The following CFAP43 variants were observed in gnomAD, a reference collection of about 807,000 sequenced individuals.
The protein encoded by CFAP43 is cilia and flagella associated protein 43.
In CFAP43, 155 loss-of-function variants were observed where a neutral mutation model predicts 218.9. That is an observed-to-expected ratio of 0.71 (90% CI 0.62 to 0.81). The LOEUF (loss-of-function observed/expected upper bound fraction) is 0.81, where lower values mean the gene tolerates loss of function less well. Ranked by LOEUF, CFAP43 falls within the 30% of genes least tolerant of loss-of-function variation. The pLI is 0.00. For synonymous variants in CFAP43, 645 were observed against 681.3 expected, an observed-to-expected ratio of 0.95 and a Z score of 0.83; for missense variants, 1,778 against 1,954.3, an observed-to-expected ratio of 0.91 and a Z score of 1.70.
intron 20 of CFAP43, among the ~76,000 whole-genome samples, chr10:104,171,275 G>T (rs2089400718): frequency 6.6e-6 from 1 of 152,184 alleles, no homozygotes; most frequent in Admixed American, 6.5e-5. Context: ...GTTGCAGAAT[G>T]AATGAAGGAA....
At chr10:104,172,075 A>T (rs992402563) in intron 20 of CFAP43, among the ~76,000 whole-genome samples, 31 of 152,192 alleles carry the variant, frequency 2.0e-4, no homozygotes, top group African/African-American at 7.5e-4. Flanking sequence ...TTCAACTCTA[A>T]TTAAGAAAGG....
intron 8 of CFAP43, among the ~76,000 whole-genome samples, chr10:104,200,670 C>CAAAA (rs71022722): frequency 1.8e-4 from 4 of 22,644 alleles, no homozygotes; most frequent in Middle Eastern, 0.019. Context: ...GACTCTGTCT[C>CAAAA]AAAAAAAAAA....
intron 3 of CFAP43, among the ~76,000 whole-genome samples, chr10:104,224,820 AT>A (rs1396555433): frequency 4.6e-5 from 7 of 151,860 alleles, no homozygotes; most frequent in African/African-American, 1.7e-4. Flanking sequence ...AGGTACTTAC[AT>A]TTTTGTATAA....
chr10:104,213,908 G>A (rs1406481111), intron 4 of CFAP43, among the ~76,000 whole-genome samples: 1 of 152,130 alleles, frequency 6.6e-6, no homozygotes, highest in African/African-American at 2.4e-5. Flanking sequence ...AATAGCAAAA[G>A]TCTTAACTCT....
chr10:104,201,390 A>G (rs1394259968), intron 8 of CFAP43, among the ~76,000 whole-genome samples: 1 of 150,512 alleles, frequency 6.6e-6, no homozygotes, highest in African/African-American at 2.4e-5. Context: ...TTTGCATTTC[A>G]TTTTCTTTCT....
At chr10:104,218,013 G>A (rs1285897673) in intron 3 of CFAP43, among the ~76,000 whole-genome samples, 3 of 152,182 alleles carry the variant, frequency 2.0e-5, no homozygotes, top group African/African-American at 4.8e-5. Context: ...TGCTTGCGCC[G>A]TAAATACATA....
intron 3 of CFAP43, among the ~76,000 whole-genome samples, chr10:104,220,668 A>T (rs1347828717): frequency 6.6e-6 from 1 of 152,172 alleles, no homozygotes; most frequent in Non-Finnish European, 1.5e-5. Context: ...GCCTCCTCGA[A>T]CAAAAACCAG....
chr10:104,135,236 T>C (rs2087386012), intron 34 of CFAP43, among the ~76,000 whole-genome samples: 1 of 152,076 alleles, frequency 6.6e-6, no homozygotes, highest in Admixed American at 6.6e-5. Context: ...TTCCTCAACA[T>C]GATAATGGGA....
chr10:104,140,891 G>C lies in CFAP43; in HGVS notation c.4382C>G (p.Ala1461Gly). The C allele has an allele frequency of 1.2e-6, 2 of 1,611,818 alleles. No individual in the cohort carries two copies. Among genetic ancestry groups the C allele is most frequent in the East Asian group, 4.5e-5 (2 of 44,818 alleles). ...NFQLVLEYSD[A>G]ILINKNIIED... ...AATTATGTTCTTGTTGATGAGAATT[G>C]CATCAGAATACTCCAGTACTAGCTG... The change falls in exon 34 of 38, where the codon GCA becomes GGA. Residue 1461 changes from alanine (A) to glycine (G), a missense_variant. Around this residue, in one of 3 missense-constraint regions of CFAP43, gnomAD observed 14 missense variants for 38.5 expected, o/e 0.36. Transcript: ENST00000357060.
intron 18 of CFAP43, 69 bp from the exon 19 acceptor site, chr10:104,179,175 GA>G: frequency 7.4e-7 from 1 of 1,347,690 alleles, no homozygotes; most frequent in Non-Finnish European, 1.0e-6. Flanking sequence ...GAGAGAGAGA[GA>G]GAGAGCAATT....
chr10:104,181,025 C>G (rs559827139), intron 17 of CFAP43, among the ~76,000 whole-genome samples: 1 of 152,192 alleles, frequency 6.6e-6, no homozygotes, highest in African/African-American at 2.4e-5. Context: ...GTCCTGACCT[C>G]TCCCCAGAAC....
rs570891822 is a variant in CFAP43 at position 104,172,227 on chromosome 10, C to A, written c.2586+183G>T. Among the ~76,000 whole-genome samples, 13 of 152,298 alleles carry A rather than the reference C, an allele frequency of 8.5e-5. No homozygotes were observed. The South Asian group carries it at 2.7e-3, about 32-fold the overall frequency. ...GGCTGGCCTAGATGTTCTCCCTGCT[C>A]CTAACCCCCAAATTCGATGATCCTC... On this transcript the variant is annotated intron_variant, in intron 20 of 37. Transcript: ENST00000357060.
At chr10:104,131,583 C>T (rs571461605) in intron 36 of CFAP43, 99 bp from the exon 37 acceptor site, 68 of 1,309,592 alleles carry the variant, frequency 5.2e-5, no homozygotes, top group Non-Finnish European at 6.9e-5. Context: ...ACATTATCAT[C>T]ATTAAGATAA....
At chr10:104,196,698 C>T (rs2090390057) in intron 10 of CFAP43, among the ~76,000 whole-genome samples, 155 bp downstream of exon 10, 1 of 152,228 alleles carries the variant, frequency 6.6e-6, no homozygotes, top group African/African-American at 2.4e-5. Flanking sequence ...GTGGCATATA[C>T]TTTACACACA....
At chr10:104,220,466 C>T (rs2091145747) in intron 3 of CFAP43, among the ~76,000 whole-genome samples, 1 of 152,054 alleles carries the variant, frequency 6.6e-6, no homozygotes, top group African/African-American at 2.4e-5. Context: ...TACAGGTTCC[C>T]ATTGTGCCTT....
At chr10:104,202,414 T>C (rs1448219501) in intron 8 of CFAP43, among the ~76,000 whole-genome samples, 1 of 152,188 alleles carries the variant, frequency 6.6e-6, no homozygotes, top group African/African-American at 2.4e-5. Context: ...AATCTGTAAA[T>C]TCATGTCTTT....
chr10:104,183,268 C>T (rs759110741), intron 16 of CFAP43, among the ~76,000 whole-genome samples: 2 of 152,150 alleles, frequency 1.3e-5, no homozygotes, highest in Non-Finnish European at 2.9e-5. Flanking sequence ...CAAGAATATG[C>T]ATTTCTAACA....
Position 104,191,078 on chromosome 10 carries a change from C to T in CFAP43, c.1546+1121G>A, listed in dbSNP as rs868488728. On this transcript the variant is annotated intron_variant, in intron 12 of 37. Coordinates refer to ENST00000357060, the MANE Select transcript of CFAP43 (RefSeq NM_025145.7). ...GATTATGACTATGATCATCTCTTGC[C>T]TTGGCTAGTATTATAGCTTCCAATC... 2.9e-4 allele frequency among the ~76,000 whole-genome samples: 44 copies of T among 152,308 alleles called. 1 individual carries two copies. In the Middle Eastern group the frequency reaches 0.014, roughly 47 times the overall value.
rs2089883803 is a variant in CFAP43 at position 104,182,498 on chromosome 10, G to T, written c.2157C>A (p.His719Gln). ...VYLKWKRFGG[H>Q]LASEILDYYQ... is the part of the protein sequence containing the mutation. ...AATAGTCCAGAATTTCACTGGCTAG[G>T]TGTCCTCCAAATCGCCTATATTAAT... Residue 719 changes from histidine to glutamine, a missense_variant, in exon 17 of 38, where the codon CAC becomes CAA. Physicochemically the swap from His to Gln is conservative, Grantham distance 24. Coordinates refer to ENST00000357060, the MANE Select transcript of CFAP43 (RefSeq NM_025145.7). 3 of 1,595,810 alleles carry T rather than the reference G, an allele frequency of 1.9e-6. No individual in the cohort carries two copies. Among genetic ancestry groups the T allele is most frequent in the African/African-American group, 2.7e-5 (2 of 73,650 alleles).
Sources: allele counts gnomAD v4.1 joint callset (sites outside exome capture counted in the v4.1 genomes callset), GRCh38; gene constraint gnomAD v4.1.1; regional missense constraint gnomAD v4.1.1; transcripts MANE v1.5; gene names NCBI Gene and HGNC (gene_info 2026-07-23, HGNC 2026-07-21).